CACNA2D1: variants seen among roughly 807,000 people sequenced by gnomAD.
CACNA2D1 encodes calcium voltage-gated channel auxiliary subunit alpha2delta 1.
In CACNA2D1, 53 loss-of-function variants were observed where a neutral mutation model predicts 171.5. The observed-to-expected ratio is 0.31, with a 90% confidence interval of 0.25 to 0.39. The LOEUF is 0.39. Among genes scored for constraint, CACNA2D1 ranks in the 10% least tolerant of loss-of-function variants. The probability of loss-of-function intolerance (pLI) is 1.00; values close to 1 mark genes in which losing one functional copy is unlikely to be tolerated. For missense variants in CACNA2D1, 903 were observed against 1,299.8 expected, an observed-to-expected ratio of 0.69 and a Z score of 4.69; for synonymous variants, 442 against 443.1, an observed-to-expected ratio of 1.00 and a Z score of 0.03.
intron 3 of CACNA2D1, among the ~76,000 whole-genome samples, chr7:82,329,659 C>A (rs1178669663): frequency 6.6e-6 from 1 of 152,204 alleles, no homozygotes; most frequent in East Asian, 1.9e-4. Context: ...ATGATTATAT[C>A]TTTTTTGCTT....
At position 81,964,371 on chromosome 7, in the gene CACNA2D1, A is replaced by C. The variant is rs751287413; in HGVS notation, c.2575-12T>G. 4.3e-6 allele frequency: 7 copies of C among 1,610,088 alleles called. No homozygotes were observed. The highest frequency in any genetic ancestry group is 5.1e-6 in the Non-Finnish European group (6 of 1,177,640). On this transcript the variant is annotated splice_polypyrimidine_tract_variant and intron_variant, in intron 32 of 38. Transcript: ENST00000356860. ...AAAAATCTTCCAATCTGGTGAAGAA[A>C]AAAATCATAAAGCAACGTGCACTTA...
chr7:82,363,254 C>CTTTTTTTTTTTTTTTTTTTTTTTTTTT (rs35419275), intron 1 of CACNA2D1, among the ~76,000 whole-genome samples: 2 of 63,420 alleles, frequency 3.2e-5, no homozygotes, highest in African/African-American at 1.7e-4. Context: ...TTATTTGTCT[C>CTTTTTTTTTTTTTTTTTTTTTTTTTTT]TTTTTTTTTT....
chr7:82,398,217 A>G (rs749765649), intron 1 of CACNA2D1, among the ~76,000 whole-genome samples: 1 of 152,228 alleles, frequency 6.6e-6, no homozygotes, highest in Non-Finnish European at 1.5e-5. Flanking sequence ...AAAGTAAGGA[A>G]GAAAGAACAC....
At chr7:82,376,237 G>C (rs917189) in intron 1 of CACNA2D1, among the ~76,000 whole-genome samples, 94,949 of 151,946 alleles carry the variant, frequency 0.62, 30,242 homozygotes, top group Middle Eastern at 0.74. Context: ...CTAAGCAGAT[G>C]AACAAATACC....
intron 8 of CACNA2D1, among the ~76,000 whole-genome samples, chr7:82,065,289 T>A (rs1041898652): frequency 6.6e-6 from 1 of 152,020 alleles, no homozygotes; most frequent in Non-Finnish European, 1.5e-5. Flanking sequence ...AGTGGCAGAG[T>A]GGCAGGTGAA....
intron 3 of CACNA2D1, among the ~76,000 whole-genome samples, chr7:82,291,627 ATATC>A (rs1011239777): frequency 6.3e-5 from 9 of 143,448 alleles, no homozygotes; most frequent in South Asian, 2.1e-4. Context: ...CTATATTTTT[ATATC>A]TATCTGTGTG....
chr7:82,315,205 G>A (rs1814970660), intron 3 of CACNA2D1, among the ~76,000 whole-genome samples: 1 of 151,928 alleles, frequency 6.6e-6, no homozygotes, highest in South Asian at 2.1e-4. Flanking sequence ...GATTTAGGAG[G>A]GCAAGAGAAG....
chr7:81,968,854 G>T (rs1794974691), intron 29 of CACNA2D1, 33 bp downstream of exon 29: 1 of 1,087,600 alleles, frequency 9.2e-7, no homozygotes, highest in East Asian at 2.4e-5. Flanking sequence ...ATTTAATTTT[G>T]ATTGTGTTTT....
intron 3 of CACNA2D1, among the ~76,000 whole-genome samples, chr7:82,228,317 A>G (rs1015442446): frequency 2.6e-5 from 4 of 152,176 alleles, no homozygotes; most frequent in Admixed American, 2.6e-4. Flanking sequence ...CCAAACCTCA[A>G]ATAAGGTGAT....
chr7:81,962,747 G>A (rs1218609154), intron 34 of CACNA2D1, among the ~76,000 whole-genome samples: 1 of 151,900 alleles, frequency 6.6e-6, no homozygotes, highest in Admixed American at 6.6e-5. Context: ...AAACCTAACA[G>A]GCAATGTTAT....
At chr7:82,187,438 G>A (rs1477024006) in intron 3 of CACNA2D1, among the ~76,000 whole-genome samples, 1 of 151,908 alleles carries the variant, frequency 6.6e-6, no homozygotes, top group Non-Finnish European at 1.5e-5. Context: ...ACAGAAATAA[G>A]GACAATGTAC....
At chr7:82,397,140 T>C (rs1825826173) in intron 1 of CACNA2D1, among the ~76,000 whole-genome samples, 1 of 152,192 alleles carries the variant, frequency 6.6e-6, no homozygotes, top group Admixed American at 6.6e-5. Flanking sequence ...CAGGAGGCTT[T>C]CATCACTAAC....
At chr7:82,442,049 A>G (rs1830545024) in intron 1 of CACNA2D1, among the ~76,000 whole-genome samples, 1 of 152,238 alleles carries the variant, frequency 6.6e-6, no homozygotes, top group South Asian at 2.1e-4. Flanking sequence ...AATCAGTTTT[A>G]TGGAAGATTA....
chr7:82,060,217 TATATA>T (rs1806641264), intron 10 of CACNA2D1, among the ~76,000 whole-genome samples: 5 of 58,148 alleles, frequency 8.6e-5, no homozygotes, highest in Non-Finnish European at 3.0e-5. Context: ...ATATAATATA[TATATA>T]ATATATATAT....
intron 38 of CACNA2D1, among the ~76,000 whole-genome samples, chr7:81,954,470 T>A (rs1160059461): frequency 1.3e-5 from 2 of 152,054 alleles, no homozygotes; most frequent in African/African-American, 4.8e-5. Flanking sequence ...TCATATGGTT[T>A]TTGCCCCAAA....
At chr7:81,961,705 TAA>T (rs1321577509) in intron 36 of CACNA2D1, among the ~76,000 whole-genome samples, 187 bp downstream of exon 36, 1 of 151,960 alleles carries the variant, frequency 6.6e-6, no homozygotes, top group Non-Finnish European at 1.5e-5. Flanking sequence ...TTACAAATTT[TAA>T]AAGTCTACAG....
chr7:82,245,459 G>C (rs929984845), intron 3 of CACNA2D1, among the ~76,000 whole-genome samples: 1 of 151,966 alleles, frequency 6.6e-6, no homozygotes, highest in Non-Finnish European at 1.5e-5. Context: ...TCCTCGGTTT[G>C]GTGTTTCCAA....
intron 3 of CACNA2D1, among the ~76,000 whole-genome samples, chr7:82,206,540 CA>C (rs1222316498): frequency 3.9e-5 from 6 of 152,036 alleles, no homozygotes; most frequent in Admixed American, 3.9e-4. Context: ...TAGCTGCACT[CA>C]GATAAAATAT....
Position 81,984,642 on chromosome 7 carries a change from C to T in CACNA2D1, c.1866G>A (p.Gln622=). The change falls in exon 22 of 39, where the codon CAG becomes CAA. Residue 622 remains glutamine, a synonymous_variant. Coordinates refer to ENST00000356860, the MANE Select transcript of CACNA2D1 (RefSeq NM_000722.4). ...IKAKLEETIT[Q]ARSKKGKMKD... is the part of the protein sequence containing the mutation. ...CACTTTCACAGTACTTACATCTGGC[C>T]TGAGTTATTGTCTCTTCTAGTTTGG... is the stretch of plus-strand genomic sequence containing the variant. 1 of 1,559,922 alleles carries T rather than the reference C, an allele frequency of 6.4e-7. No homozygotes were observed.
Sources: allele counts gnomAD v4.1 joint callset (sites outside exome capture counted in the v4.1 genomes callset), GRCh38; gene constraint gnomAD v4.1.1; transcripts MANE v1.5; gene names NCBI Gene and HGNC (gene_info 2026-07-23, HGNC 2026-07-21).